The following DOCK5 variants were observed in gnomAD, a reference collection of about 807,000 sequenced individuals.
DOCK5 encodes dedicator of cytokinesis 5.
A neutral mutation model predicts 251.8 loss-of-function variants in DOCK5; 142 were observed. The ratio of observed to expected loss-of-function variants is 0.56; its 90% CI spans 0.49 to 0.65. The LOEUF is 0.65. DOCK5 is among the 30% of genes least tolerant of loss of function. The pLI, the probability that DOCK5 is intolerant of heterozygous loss-of-function variation, is 0.00. For synonymous variants in DOCK5, 842 were observed against 835.5 expected, an observed-to-expected ratio of 1.01 and a Z score of -0.13; for missense variants, 2,111 against 2,312.3, an observed-to-expected ratio of 0.91 and a Z score of 1.79.
chr8:25,323,809 CT>C (rs1563201976), intron 16 of DOCK5, 38 bp from the exon 17 acceptor site: 1 of 1,596,096 alleles, frequency 6.3e-7, no homozygotes, highest in South Asian at 1.1e-5. Context: ...CTCCTGGTGT[CT>C]CTCTGCACTG....
In DOCK5 at chr8:25,410,193, C is replaced by T. The variant is rs1309712989; in HGVS notation, c.5499C>T (p.Asn1833=). 1 of 1,613,466 alleles carries T rather than the reference C, an allele frequency of 6.2e-7. No homozygotes were observed. Among genetic ancestry groups the T allele is most frequent in the Middle Eastern group, 1.6e-4 (1 of 6,062 alleles). ...KSKPYEGSQR[N]STELAPPLPV... ...AGCCCTATGAAGGCAGCCAGAGGAA[C>T]TCCACTGAGGTAGGGAAATCACAGC... The change falls in exon 51 of 52, where the codon AAC becomes AAT. Residue 1833 remains asparagine, a synonymous_variant. Coordinates refer to ENST00000276440, the MANE Select transcript of DOCK5 (RefSeq NM_024940.8).
intron 1 of DOCK5, among the ~76,000 whole-genome samples, chr8:25,199,193 C>CA (rs1801808015): frequency 2.6e-5 from 4 of 151,966 alleles, no homozygotes; most frequent in Admixed American, 1.3e-4. Flanking sequence ...GCAAAGTAAA[C>CA]GTTTAAGGGG....
intron 3 of DOCK5, among the ~76,000 whole-genome samples, chr8:25,274,358 G>T (rs1035516444): frequency 6.6e-6 from 1 of 152,186 alleles, no homozygotes; most frequent in Admixed American, 6.5e-5. Flanking sequence ...CCAGGTATAA[G>T]CTCCATGTAA....
At chr8:25,346,066 A>G (rs1008778466) in intron 26 of DOCK5, among the ~76,000 whole-genome samples, 54 of 152,184 alleles carry the variant, frequency 3.5e-4, no homozygotes, top group African/African-American at 1.2e-3. Flanking sequence ...TAGCCAGGAT[A>G]GTCTCGATCT....
rs774367411 is a variant in DOCK5 at position 25,369,564 on chromosome 8, T to G, written c.3447T>G (p.Asn1149Lys). 6.2e-7 allele frequency: 1 copy of G among 1,609,792 alleles called. No homozygotes were observed. The highest frequency in any genetic ancestry group is 1.7e-5 in the Admixed American group (1 of 59,394). ...TCTGCCTCTACTTTCAGTTTGAGAA[T>G]GAGCTGATCACAAAGCTGGACCAGG... ...SGNGNFHMFE[N>K]ELITKLDQEV... The change falls in exon 34 of 52, where the codon AAT becomes AAG. Residue 1149 changes from asparagine to lysine, a missense_variant. Asn to Lys is a moderately conservative substitution (Grantham distance 94, BLOSUM62 0). Coordinates refer to ENST00000276440, the MANE Select transcript of DOCK5 (RefSeq NM_024940.8).
intron 1 of DOCK5, among the ~76,000 whole-genome samples, chr8:25,201,474 G>A (rs988331463): frequency 5.3e-5 from 8 of 152,176 alleles, no homozygotes; most frequent in East Asian, 1.9e-4. Flanking sequence ...AGAAGATTGA[G>A]ATACAGATGT....
Position 25,359,061 on chromosome 8 carries a change from C to T in DOCK5, c.2949C>T (p.Ile983=), listed in dbSNP as rs142002799. 2.3e-5 allele frequency: 37 copies of T among 1,613,320 alleles called. No homozygotes were observed. Among genetic ancestry groups the T allele is most frequent in the African/African-American group, 1.3e-4 (10 of 75,026 alleles). ...CTTTCAAAACCAGACAAGACATCATCGTAAGTTGCCTTTACTGGTCCTGGT... is the reference window on the plus strand; with the variant it reads ...CTTTCAAAACCAGACAAGACATCATTGTAAGTTGCCTTTACTGGTCCTGGT... ...ISTFKTRQDI[I]DFLMETFIMF... is the part of the protein sequence containing the mutation. Residue 983 remains isoleucine (I), a splice_region_variant and synonymous_variant, in exon 28 of 52, where the codon ATC becomes ATT. Transcript: ENST00000276440.
intron 2 of DOCK5, among the ~76,000 whole-genome samples, chr8:25,260,800 T>C (rs7000383): frequency 0.21 from 31,214 of 146,562 alleles, 4,033 homozygotes; most frequent in African/African-American, 0.36. Flanking sequence ...TTCTTTCTTT[T>C]TTTTTTTTTT....
At chr8:25,308,742 TTC>T (rs1805010912) in intron 11 of DOCK5, 39 bp from the exon 12 acceptor site, 12 of 1,607,602 alleles carry the variant, frequency 7.5e-6, no homozygotes, top group Non-Finnish European at 1.0e-5. Flanking sequence ...GAGACTTCCT[TTC>T]TCCCCCTCCC....
At chr8:25,363,011 CCA>C (rs1800713978) in intron 28 of DOCK5, 34 bp from the exon 29 acceptor site, 9 of 1,539,868 alleles carry the variant, frequency 5.8e-6, no homozygotes, top group Non-Finnish European at 8.1e-6. Context: ...TGAACGTAAC[CCA>C]GTTTTCCCCC....
intron 29 of DOCK5, among the ~76,000 whole-genome samples, chr8:25,364,129 A>G (rs905564820): frequency 2.0e-5 from 3 of 152,150 alleles, no homozygotes; most frequent in African/African-American, 7.2e-5. Context: ...AACTGAATAT[A>G]TATTATATTA....
chr8:25,373,230 C>T (rs1800906193), intron 35 of DOCK5, among the ~76,000 whole-genome samples: 1 of 152,014 alleles, frequency 6.6e-6, no homozygotes, highest in East Asian at 1.9e-4. Flanking sequence ...GATCTCCTGA[C>T]CTCATGATCC....
intron 45 of DOCK5, 25 bp from the exon 46 acceptor site, chr8:25,399,886 A>G: frequency 6.3e-7 from 1 of 1,581,542 alleles, no homozygotes; most frequent in Non-Finnish European, 8.6e-7. Context: ...TGTTCTAATT[A>G]AAACTTGCAT....
At position 25,378,263 on chromosome 8, in the gene DOCK5, G is replaced by C. The variant is rs1051498926; in HGVS notation, c.3936+839G>C. ...AGCATAGATTTGGGTATGATCCTGG[G>C]GTGGGGGCACCAGGAATAACAAAGA... is the stretch of plus-strand genomic sequence containing the variant. On this transcript the variant is annotated intron_variant, in intron 38 of 51. Coordinates refer to ENST00000276440, the MANE Select transcript of DOCK5 (RefSeq NM_024940.8). 2.0e-5 allele frequency among the ~76,000 whole-genome samples: 3 copies of C among 152,064 alleles called. No homozygotes were observed. In the South Asian group the frequency reaches 6.2e-4, roughly 32 times the overall value.
In DOCK5 at chr8:25,364,608, G is replaced by T; in HGVS notation, c.3045-18G>T. 1.9e-6 allele frequency: 3 copies of T among 1,573,566 alleles called. No homozygotes were observed. Among genetic ancestry groups the T allele is most frequent in the African/African-American group, 1.3e-5 (1 of 74,564 alleles). The stretch of plus-strand genomic sequence containing the variant: ...GGACATACAGTTGGCTTCTTTATCT[G>T]GTGTTTTCCTTCCGCAGGGTTTTTC... On this transcript the variant is annotated intron_variant, in intron 29 of 51. Transcript: ENST00000276440.
chr8:25,392,165 G>A (rs578059527), intron 43 of DOCK5, among the ~76,000 whole-genome samples, 185 bp downstream of exon 43: 20 of 152,242 alleles, frequency 1.3e-4, no homozygotes, highest in African/African-American at 1.4e-4. Context: ...TTAGCCGGGC[G>A]TGGTGGCACG....
rs916945710 is a variant in DOCK5, at chr8:25,369,743, G to A, written c.3524+102G>A. ...AATAGAGCAATTGAGTAGTCTCAGA[G>A]TCACTAGGGCCACCCCCACTGTGGT... On this transcript the variant is annotated intron_variant, in intron 34 of 51. Coordinates refer to ENST00000276440, the MANE Select transcript of DOCK5 (RefSeq NM_024940.8). 1.1e-5 allele frequency: 10 copies of A among 912,932 alleles called. No homozygotes were observed. In the African/African-American group the frequency reaches 1.2e-4, roughly 11 times the overall value. 56.6% of individuals were successfully genotyped at this position (912,932 alleles called of 1,614,324 possible).
intron 3 of DOCK5, among the ~76,000 whole-genome samples, chr8:25,269,105 A>AG (rs1455918039): frequency 6.6e-6 from 1 of 152,182 alleles, no homozygotes; most frequent in African/African-American, 2.4e-5. Flanking sequence ...CAATTCAAGG[A>AG]GAAAATCCTG....
At chr8:25,263,795 G>C (rs373512946) in intron 2 of DOCK5, among the ~76,000 whole-genome samples, 5 of 151,750 alleles carry the variant, frequency 3.3e-5, no homozygotes, top group African/African-American at 1.2e-4. Context: ...CGGATGTGCA[G>C]CCTTCCCCCA....
Sources: allele counts gnomAD v4.1 joint callset (sites outside exome capture counted in the v4.1 genomes callset), GRCh38; gene constraint gnomAD v4.1.1; transcripts MANE v1.5; gene names NCBI Gene and HGNC (gene_info 2026-07-23, HGNC 2026-07-21).